The following NALCN variants were observed in gnomAD, a reference collection of about 807,000 sequenced individuals.
The protein encoded by NALCN is sodium leak channel NALCN.
In NALCN, 111 loss-of-function variants were observed where a neutral mutation model predicts 225.3. The ratio of observed to expected loss-of-function variants is 0.49; its 90% CI spans 0.42 to 0.58. The LOEUF is 0.58. NALCN is among the 20% of genes least tolerant of loss of function. The pLI is 0.00. For missense variants in NALCN, 1,378 were observed against 2,202.4 expected (o/e 0.63, Z 7.49); for synonymous variants, 764 against 769.0 (o/e 0.99, Z 0.11).
At chr13:101,365,392 G>A (rs1202893439) in intron 6 of NALCN, among the ~76,000 whole-genome samples, 1 of 151,952 alleles carries the variant, frequency 6.6e-6, no homozygotes, top group African/African-American at 2.4e-5. Flanking sequence ...CTTTCTCATG[G>A]CTGCATAGCA....
intron 37 of NALCN, among the ~76,000 whole-genome samples, chr13:101,071,233 G>C (rs753959277): frequency 6.6e-6 from 1 of 152,222 alleles, no homozygotes; most frequent in Non-Finnish European, 1.5e-5. Context: ...TCCACTGAAA[G>C]TCACCAGCTG....
chr13:101,211,442 A>G (rs1280383970), intron 13 of NALCN, among the ~76,000 whole-genome samples: 1 of 152,066 alleles, frequency 6.6e-6, no homozygotes, highest in Admixed American at 6.6e-5. Flanking sequence ...CAACAGCAGG[A>G]AAAGATGGCC....
chr13:101,365,214 T>C (rs554607283), intron 6 of NALCN, among the ~76,000 whole-genome samples: 2 of 152,122 alleles, frequency 1.3e-5, no homozygotes, highest in Non-Finnish European at 2.9e-5. Flanking sequence ...CACCCTCAGG[T>C]AGGCTCCAGT....
At chr13:101,339,309 C>T (rs763761987) in intron 7 of NALCN, among the ~76,000 whole-genome samples, 2 of 152,098 alleles carry the variant, frequency 1.3e-5, no homozygotes, top group Non-Finnish European at 1.5e-5. Flanking sequence ...ATAAATTTTG[C>T]GATTTTGCAA....
intron 15 of NALCN, 22 bp from the exon 16 acceptor site, chr13:101,144,918 G>GA (rs148841720): frequency 5.8e-5 from 92 of 1,581,224 alleles, no homozygotes; most frequent in African/African-American, 5.8e-4. Flanking sequence ...TTGGAAAGAA[G>GA]AAAAAAAGGG....
At chr13:101,192,816 CT>C (rs2039736500) in intron 13 of NALCN, among the ~76,000 whole-genome samples, 1 of 152,160 alleles carries the variant, frequency 6.6e-6, no homozygotes, top group South Asian at 2.1e-4. Context: ...ATCTGTGAGT[CT>C]CCAACTCATG....
In NALCN at chr13:101,229,374, G is replaced by C; in HGVS notation, c.1626+19C>G. The C allele has an allele frequency of 6.7e-7, 1 of 1,492,992 alleles. No individual in the cohort carries two copies. The highest frequency in any genetic ancestry group is 8.9e-7 in the Non-Finnish European group (1 of 1,121,220). The allele number at this position is 1,492,992 out of a possible 1,614,324, so 92.5% of individuals were successfully genotyped here. On this transcript the variant is annotated intron_variant, in intron 13 of 43. Transcript: ENST00000251127. ...ATAAGAACAATGAATTTAACTTACTGCATTTTTAAAACTCTTACCCTCGGA... is the reference window on the plus strand; with the variant it reads ...ATAAGAACAATGAATTTAACTTACTCCATTTTTAAAACTCTTACCCTCGGA...
intron 6 of NALCN, among the ~76,000 whole-genome samples, chr13:101,345,785 G>A (rs1029266256): frequency 8.0e-6 from 1 of 124,594 alleles, no homozygotes; most frequent in African/African-American, 3.1e-5. Flanking sequence ...GAGAGGGAGA[G>A]AGAGAGAAAG....
Position 101,104,898 on chromosome 13 carries a change from G to C in NALCN, c.2632C>G (p.Leu878Val). ...AATGAAGTTGGTGATGCTTACTAAA[G>C]TTGATGGTACTTTGTATTTTTCACA... ...GAVKNTKYHQ[L>V]YDLLGLVTYL... Residue 878 changes from leucine to valine, a missense_variant, in exon 23 of 44, where the codon CTT (leucine) becomes GTT (valine). Physicochemically the swap from Leu to Val is conservative, Grantham distance 32 (BLOSUM62 1). Around this residue, in one of 19 missense-constraint regions of NALCN, gnomAD observed 292 missense variants for 409.5 expected, o/e 0.71. Coordinates refer to ENST00000251127, the MANE Select transcript of NALCN (RefSeq NM_052867.4). The surrounding 1 kb of genome is among the most constrained non-coding windows in gnomAD (Gnocchi z 4.2). The C allele has an allele frequency of 6.2e-7, 1 of 1,613,752 alleles. No individual in the cohort carries two copies. Among genetic ancestry groups the C allele is most frequent in the Non-Finnish European group, 8.5e-7 (1 of 1,179,780 alleles).
At chr13:101,096,499 T>C (rs1194777850) in intron 27 of NALCN, among the ~76,000 whole-genome samples, 5 of 152,204 alleles carry the variant, frequency 3.3e-5, no homozygotes, top group East Asian at 1.9e-4. Context: ...TTTATTCATA[T>C]AGAAGTCCAG....
intron 14 of NALCN, among the ~76,000 whole-genome samples, chr13:101,190,154 T>C (rs887461619): frequency 3.3e-5 from 5 of 152,214 alleles, no homozygotes; most frequent in African/African-American, 1.2e-4. Flanking sequence ...CAAACATATA[T>C]CTGAGTGTGA....
At chr13:101,186,458 C>G (rs1028549687) in intron 14 of NALCN, among the ~76,000 whole-genome samples, 5 of 152,140 alleles carry the variant, frequency 3.3e-5, no homozygotes, top group Non-Finnish European at 5.9e-5. Flanking sequence ...AAGCCCATTA[C>G]AGTAACTGTT....
chr13:101,180,175 CATTTAAT>C (rs1251131074), intron 14 of NALCN, among the ~76,000 whole-genome samples: 2 of 149,854 alleles, frequency 1.3e-5, no homozygotes, highest in Non-Finnish European at 3.0e-5. Context: ...TGTAGGGGCC[CATTTAAT>C]CCACTATACT....
intron 10 of NALCN, among the ~76,000 whole-genome samples, chr13:101,266,481 C>A (rs972299559): frequency 1.3e-5 from 2 of 151,994 alleles, no homozygotes; most frequent in African/African-American, 2.4e-5. Flanking sequence ...GGCAAAGAGA[C>A]AAAATAGTGG....
At chr13:101,131,768 T>C (rs1210176669) in intron 17 of NALCN, among the ~76,000 whole-genome samples, 1 of 152,202 alleles carries the variant, frequency 6.6e-6, no homozygotes, top group Non-Finnish European at 1.5e-5. Flanking sequence ...CCGAGTTTTA[T>C]GGTAAATATT....
chr13:101,406,528 G>A (rs2047630579), intron 1 of NALCN, among the ~76,000 whole-genome samples: 1 of 152,128 alleles, frequency 6.6e-6, no homozygotes, highest in Admixed American at 6.5e-5. Context: ...ATAGCCTGGT[G>A]TTTACAAACT....
chr13:101,189,908 G>A (rs1326802799), intron 14 of NALCN, among the ~76,000 whole-genome samples: 2 of 152,158 alleles, frequency 1.3e-5, no homozygotes, highest in Non-Finnish European at 2.9e-5. Flanking sequence ...TAAAGCCTCA[G>A]GTGAACCCCA....
chr13:101,055,920 C>T (rs998402286), intron 43 of NALCN, among the ~76,000 whole-genome samples: 2 of 151,862 alleles, frequency 1.3e-5, no homozygotes, highest in African/African-American at 2.4e-5. Context: ...GGTTCTGGGG[C>T]CTCACAGTCA....
intron 6 of NALCN, among the ~76,000 whole-genome samples, chr13:101,362,547 A>C (rs1469202700): frequency 6.6e-6 from 1 of 152,088 alleles, no homozygotes; most frequent in African/African-American, 2.4e-5. Context: ...ACATGTCTTT[A>C]TTATCAAAAC....
Sources: gnomAD v4.1 joint callset for allele counts (sites outside exome capture counted in the v4.1 genomes callset) on GRCh38, gnomAD v4.1.1 for gene constraint, gnomAD v4.1.1 regional missense constraint, Gnocchi (gnomAD v3.1) non-coding constraint, MANE v1.5 for transcripts, NCBI Gene and HGNC (gene_info 2026-07-23, HGNC 2026-07-21) for gene names.